Variants in GAS2 observed in about 807,000 individuals in gnomAD.
GAS2 encodes the protein growth arrest specific 2.
In GAS2, 20 loss-of-function variants were observed where a neutral mutation model predicts 37.5. The ratio of observed to expected loss-of-function variants is 0.53; its 90% CI spans 0.37 to 0.77. The LOEUF is 0.77. Ranked by LOEUF, GAS2 falls within the 30% of genes least tolerant of loss-of-function variation. The probability of loss-of-function intolerance (pLI) is 0.00; values close to 1 mark genes in which losing one functional copy is unlikely to be tolerated. For missense variants in GAS2, 336 were observed against 373.4 expected (o/e 0.90, Z 0.82); for synonymous variants, 144 against 132.2 (o/e 1.09, Z -0.61).
intron 3 of GAS2, among the ~76,000 whole-genome samples, chr11:22,701,958 T>A (rs1005109907): frequency 2.0e-5 from 3 of 152,184 alleles, no homozygotes; most frequent in African/African-American, 7.2e-5. Flanking sequence ...TAACAGTATA[T>A]ACTGAAATGT....
intron 3 of GAS2, among the ~76,000 whole-genome samples, chr11:22,696,308 T>C (rs1362189757): frequency 2.0e-5 from 3 of 151,988 alleles, no homozygotes. Flanking sequence ...TTCCATGGTG[T>C]ATATGTGCCA....
At chr11:22,808,555 C>G (rs1164261929) in intron 7 of GAS2, among the ~76,000 whole-genome samples, 1 of 152,208 alleles carries the variant, frequency 6.6e-6, no homozygotes, top group Non-Finnish European at 1.5e-5. Context: ...CCAGCATACT[C>G]CAGGCTGAAA....
At chr11:22,684,590 G>T (rs755001657) in intron 2 of GAS2, among the ~76,000 whole-genome samples, 1 of 152,144 alleles carries the variant, frequency 6.6e-6, no homozygotes, top group Non-Finnish European at 1.5e-5. Context: ...AGAAAGATAC[G>T]TTTAGAAAGA....
At chr11:22,662,429 C>T (rs926647223), upstream of GAS2, among the ~76,000 whole-genome samples, 1 of 152,274 alleles carries the variant, frequency 6.6e-6, no homozygotes, top group Admixed American at 6.5e-5. Flanking sequence ...ACACCAGCTT[C>T]TAAAATAATC....
At chr11:22,731,960 C>T (rs977496231) in intron 4 of GAS2, among the ~76,000 whole-genome samples, 1 of 151,658 alleles carries the variant, frequency 6.6e-6, no homozygotes, top group African/African-American at 2.4e-5. Context: ...CTCTGGAACT[C>T]AGAAAACCCT....
intron 5 of GAS2, among the ~76,000 whole-genome samples, chr11:22,738,126 C>G (rs1449928869): frequency 6.6e-6 from 1 of 152,128 alleles, no homozygotes; most frequent in Non-Finnish European, 1.5e-5. Flanking sequence ...TCCTTCACCT[C>G]CTTGCTTCCT....
intron 3 of GAS2, among the ~76,000 whole-genome samples, chr11:22,709,215 A>T (rs1003710273): frequency 1.2e-5 from 1 of 85,744 alleles, no homozygotes; most frequent in African/African-American, 2.6e-5. Flanking sequence ...TAATGAAAAA[A>T]AAAAACCACA....
intron 3 of GAS2, among the ~76,000 whole-genome samples, chr11:22,700,086 C>G (rs1850752638): frequency 6.6e-6 from 1 of 152,078 alleles, no homozygotes. Flanking sequence ...GCATGTTAAC[C>G]CCTCTTTCTT....
intron 3 of GAS2, among the ~76,000 whole-genome samples, chr11:22,694,081 G>T (rs1590649514): frequency 6.6e-6 from 1 of 152,038 alleles, no homozygotes; most frequent in African/African-American, 2.4e-5. Flanking sequence ...TAATACCTGG[G>T]TGATTAAATA....
intron 3 of GAS2, among the ~76,000 whole-genome samples, chr11:22,696,455 C>A (rs1850521054): frequency 6.6e-6 from 1 of 151,954 alleles, no homozygotes; most frequent in African/African-American, 2.4e-5. Context: ...TGGGTATATA[C>A]CCAGTAATGA....
chr11:22,761,075 C>G (rs1854369253), intron 7 of GAS2, among the ~76,000 whole-genome samples: 2 of 152,108 alleles, frequency 1.3e-5, no homozygotes, highest in African/African-American at 4.8e-5. Context: ...TATTTTCTCT[C>G]TCCATTTTGG....
At chr11:22,811,274 C>T (rs558408260) in intron 7 of GAS2, among the ~76,000 whole-genome samples, 5 of 152,288 alleles carry the variant, frequency 3.3e-5, no homozygotes, top group South Asian at 4.1e-4. Context: ...ACCTTGCCTT[C>T]AAGGGCTCAG....
At chr11:22,794,195 G>A (rs1187450792) in intron 7 of GAS2, among the ~76,000 whole-genome samples, 1 of 151,142 alleles carries the variant, frequency 6.6e-6, no homozygotes, top group Non-Finnish European at 1.5e-5. Context: ...TTAAGCAGCT[G>A]AGCTGGGCAT....
chr11:22,695,042 G>A (rs1306487858), intron 3 of GAS2, among the ~76,000 whole-genome samples: 2 of 152,154 alleles, frequency 1.3e-5, no homozygotes. Context: ...GGGTTCGGCT[G>A]GGTGCGGTGG....
At chr11:22,795,738 G>A (rs1009463566) in intron 7 of GAS2, among the ~76,000 whole-genome samples, 9 of 152,106 alleles carry the variant, frequency 5.9e-5, no homozygotes, top group East Asian at 3.9e-4. Flanking sequence ...GAAATGGGGA[G>A]CCATGCAGGG....
At chr11:22,792,473 G>A (rs1338374553) in intron 7 of GAS2, among the ~76,000 whole-genome samples, 2 of 152,114 alleles carry the variant, frequency 1.3e-5, no homozygotes, top group Non-Finnish European at 2.9e-5. Context: ...AAGTTGAACT[G>A]GTGACAATTT....
At chr11:22,735,989 G>C (rs1434107403) in intron 4 of GAS2, among the ~76,000 whole-genome samples, 1 of 128,274 alleles carries the variant, frequency 7.8e-6, no homozygotes. Flanking sequence ...TTGTTATTTT[G>C]TACCATGGAT....
At position 22,717,934 on chromosome 11, in the gene GAS2, CAAG is replaced by C. The variant is rs533441911; in HGVS notation, c.268-8355_268-8353del. Reference sequence around the variant, plus strand: ...AACCACAATGTGATACCACCTTCTGCAAGAATGGCCTTAATTTAAAAATCAAAA... The same window carrying C: ...AACCACAATGTGATACCACCTTCTGCAATGGCCTTAATTTAAAAATCAAAA... On this transcript the variant is annotated intron_variant, in intron 3 of 7. Transcript: ENST00000454584. Among the ~76,000 whole-genome samples the C allele has an allele frequency of 4.5e-3, 687 of 152,110 alleles. 9 individuals are homozygous for C. The highest frequency in any genetic ancestry group is 0.016 in the African/African-American group (644 of 41,522).
intron 4 of GAS2, among the ~76,000 whole-genome samples, chr11:22,737,205 G>T (rs1218424922): frequency 6.6e-6 from 1 of 152,112 alleles, no homozygotes; most frequent in African/African-American, 2.4e-5. Context: ...ATTCATCTTT[G>T]GAGGATAACA....
Sources: allele counts gnomAD v4.1 joint callset (sites outside exome capture counted in the v4.1 genomes callset), GRCh38; gene constraint gnomAD v4.1.1; transcripts MANE v1.5; gene names NCBI Gene and HGNC (gene_info 2026-07-23, HGNC 2026-07-21).